MDGA2: variants seen among roughly 807,000 people sequenced by gnomAD.
MDGA2 encodes the protein MAM domain-containing glycosylphosphatidylinositol anchor protein 2.
MDGA2 carries 40 observed loss-of-function variants against 117.8 expected under a neutral mutation model. The ratio of observed to expected loss-of-function variants is 0.34; its 90% CI spans 0.26 to 0.44. The LOEUF is 0.44. Among genes scored for constraint, MDGA2 ranks in the 20% least tolerant of loss-of-function variants. The pLI, the probability that MDGA2 is intolerant of heterozygous loss-of-function variation, is 1.00. For missense variants in MDGA2, 1,123 were observed against 1,250.6 expected (o/e 0.90, Z 1.54); for synonymous variants, 452 against 439.0 (o/e 1.03, Z -0.37).
rs1893382762 is a variant in MDGA2 at position 47,457,610 on chromosome 14, T to C, written c.281-156060A>G. On this transcript the variant is annotated intron_variant, in intron 1 of 16. Transcript: ENST00000399232. Reference sequence around the variant, plus strand: ...GTGTTCCTCAATATGACTTGTATTCTACAATGTTAACTCGACTGTTCTTTG... The same window carrying C: ...GTGTTCCTCAATATGACTTGTATTCCACAATGTTAACTCGACTGTTCTTTG... 2.0e-5 allele frequency among the ~76,000 whole-genome samples: 3 copies of C among 152,180 alleles called. No individual in the cohort carries two copies. In the South Asian group the frequency reaches 6.2e-4, roughly 32 times the overall value.
chr14:47,325,520 T>C (rs1042897639), intron 1 of MDGA2, among the ~76,000 whole-genome samples: 10 of 152,146 alleles, frequency 6.6e-5, no homozygotes, highest in African/African-American at 1.9e-4. Flanking sequence ...TCTTTTTTAA[T>C]ACAAAAATAC....
At chr14:47,016,785 T>C (rs1888099004) in intron 8 of MDGA2, among the ~76,000 whole-genome samples, 2 of 152,042 alleles carry the variant, frequency 1.3e-5, no homozygotes, top group African/African-American at 4.8e-5. Flanking sequence ...AAAAATTAAA[T>C]GAAATTAATA....
At chr14:46,960,361 G>A (rs1885746784) in intron 8 of MDGA2, 1 of 151,882 alleles carries the variant, frequency 6.6e-6, no homozygotes, top group South Asian at 2.1e-4. Flanking sequence ...CTTTCCTTGT[G>A]TCTGAAGTTA....
chr14:47,285,041 A>G (rs900917412), intron 2 of MDGA2, among the ~76,000 whole-genome samples: 1 of 152,138 alleles, frequency 6.6e-6, no homozygotes, highest in African/African-American at 2.4e-5. Flanking sequence ...TAACTAACAT[A>G]TTGGCCAAGT....
intron 1 of MDGA2, among the ~76,000 whole-genome samples, chr14:47,506,757 G>A (rs1371657409): frequency 6.6e-6 from 1 of 152,182 alleles, no homozygotes; most frequent in Non-Finnish European, 1.5e-5. Flanking sequence ...GCTCACGCCT[G>A]TAATCCCAGC....
At chr14:47,135,008 A>C (rs1008622193) in intron 4 of MDGA2, among the ~76,000 whole-genome samples, 5 of 151,952 alleles carry the variant, frequency 3.3e-5, no homozygotes, top group Non-Finnish European at 7.4e-5. Context: ...TTCTGTTTCC[A>C]CTGACAAATT....
At chr14:47,059,935 C>T (rs1174754444) in intron 7 of MDGA2, among the ~76,000 whole-genome samples, 1 of 152,026 alleles carries the variant, frequency 6.6e-6, no homozygotes, top group African/African-American at 2.4e-5. Flanking sequence ...TACAGTGTCA[C>T]CTAGCACACT....
At chr14:47,361,731 G>C (rs187226537) in intron 1 of MDGA2, among the ~76,000 whole-genome samples, 21 of 152,140 alleles carry the variant, frequency 1.4e-4, no homozygotes, top group Admixed American at 2.6e-4. Context: ...TTCCATTCTT[G>C]AATCCTTTGG....
At position 46,915,087 on chromosome 14, in the gene MDGA2, G is replaced by T. The variant is rs145487908; in HGVS notation, c.2238+4925C>A. ...CAAGTTATGTTTACTATGTTCAAAA[G>T]CTCATTGATTTAGGATTCTGAAATA... On this transcript the variant is annotated intron_variant, in intron 10 of 16. Transcript: ENST00000399232. 2.0e-5 allele frequency among the ~76,000 whole-genome samples: 3 copies of T among 152,154 alleles called. No homozygotes were observed. In the East Asian group the frequency reaches 5.8e-4, roughly 29 times the overall value.
chr14:47,670,684 G>T (rs190201937), intron 1 of MDGA2, among the ~76,000 whole-genome samples: 19 of 152,228 alleles, frequency 1.2e-4, no homozygotes, highest in Admixed American at 1.1e-3. Context: ...TAAATCTAAT[G>T]AAATGTGAGT....
intron 1 of MDGA2, among the ~76,000 whole-genome samples, chr14:47,469,982 A>G (rs1893687210): frequency 1.3e-5 from 2 of 152,298 alleles, no homozygotes; most frequent in South Asian, 2.1e-4. Flanking sequence ...AAAATGTCCA[A>G]GGAGTTGAAA....
intron 1 of MDGA2, among the ~76,000 whole-genome samples, chr14:47,335,359 T>G (rs572573107): frequency 6.6e-6 from 1 of 150,826 alleles, no homozygotes; most frequent in African/African-American, 2.4e-5. Flanking sequence ...GGGAATACTT[T>G]CCTGAAAAGA....
intron 3 of MDGA2, among the ~76,000 whole-genome samples, chr14:47,213,920 C>A (rs1432666827): frequency 6.6e-6 from 1 of 152,152 alleles, no homozygotes; most frequent in Admixed American, 6.5e-5. Flanking sequence ...AAGGCACCTT[C>A]TTCGCAAGTC....
At chr14:46,967,843 T>A (rs149286976) in intron 8 of MDGA2, among the ~76,000 whole-genome samples, 319 of 152,206 alleles carry the variant, frequency 2.1e-3, no homozygotes, top group Non-Finnish European at 3.9e-3. Context: ...TAACTAATAA[T>A]AAAAGAATGA....
chr14:47,003,931 T>C (rs961751318), intron 8 of MDGA2, among the ~76,000 whole-genome samples: 3 of 151,896 alleles, frequency 2.0e-5, no homozygotes, highest in East Asian at 1.9e-4. Flanking sequence ...AAACAGAATT[T>C]ATAAAAGAAA....
At chr14:46,912,078 C>T (rs917646174) in intron 10 of MDGA2, among the ~76,000 whole-genome samples, 17 of 152,050 alleles carry the variant, frequency 1.1e-4, no homozygotes, top group African/African-American at 3.6e-4. Flanking sequence ...AATCCACAGA[C>T]GAGGGAGAAT....
intron 2 of MDGA2, among the ~76,000 whole-genome samples, chr14:47,227,803 T>C (rs562805724): frequency 2.0e-5 from 3 of 152,314 alleles, no homozygotes; most frequent in South Asian, 2.1e-4. Flanking sequence ...ACTTATCTCC[T>C]TGACTTCTGA....
chr14:47,600,406 C>T (rs1896626251), intron 1 of MDGA2, among the ~76,000 whole-genome samples: 1 of 151,968 alleles, frequency 6.6e-6, no homozygotes, highest in Admixed American at 6.6e-5. Flanking sequence ...CACACTCCAG[C>T]TCGGATGACA....
intron 1 of MDGA2, among the ~76,000 whole-genome samples, chr14:47,381,342 C>A (rs142393924): frequency 6.6e-6 from 1 of 151,972 alleles, no homozygotes; most frequent in African/African-American, 2.4e-5. Context: ...TTCAACATAG[C>A]GTTGGAAGTT....
Sources: allele counts gnomAD v4.1 joint callset (sites outside exome capture counted in the v4.1 genomes callset), GRCh38; gene constraint gnomAD v4.1.1; transcripts MANE v1.5; gene names NCBI Gene and HGNC (gene_info 2026-07-23, HGNC 2026-07-21).